Variants in NCKAP5 observed in about 807,000 individuals in gnomAD.
The protein encoded by NCKAP5 is nck-associated protein 5.
NCKAP5 carries 92 observed loss-of-function variants against 167.0 expected under a neutral mutation model. That is an observed-to-expected ratio of 0.55 (90% CI 0.47 to 0.66). NCKAP5 has a LOEUF of 0.66. Among genes scored for constraint, NCKAP5 ranks in the 30% least tolerant of loss-of-function variants. The pLI, the probability that NCKAP5 is intolerant of heterozygous loss-of-function variation, is 0.00. For synonymous variants in NCKAP5, 891 were observed against 877.4 expected (o/e 1.02, Z -0.27); for missense variants, 2,378 against 2,315.0 (o/e 1.03, Z -0.56).
intron 8 of NCKAP5, among the ~76,000 whole-genome samples, chr2:132,929,330 A>T (rs1458717046): frequency 6.6e-6 from 1 of 152,250 alleles, no homozygotes; most frequent in East Asian, 1.9e-4. Context: ...TTGCTCTAAC[A>T]CTATGACTGT....
At chr2:132,946,962 A>G (rs1697795316) in intron 8 of NCKAP5, among the ~76,000 whole-genome samples, 1 of 152,248 alleles carries the variant, frequency 6.6e-6, no homozygotes, top group Non-Finnish European at 1.5e-5. Context: ...AGTGAGAGTT[A>G]TAAAACATTA....
At chr2:133,442,865 G>C (rs959003522) in intron 3 of NCKAP5, among the ~76,000 whole-genome samples, 1 of 152,226 alleles carries the variant, frequency 6.6e-6, no homozygotes, top group African/African-American at 2.4e-5. Flanking sequence ...AGGCTTACCT[G>C]CCTGGGAGAA....
chr2:133,450,896 T>C (rs1238912759), intron 3 of NCKAP5, among the ~76,000 whole-genome samples: 2 of 152,190 alleles, frequency 1.3e-5, no homozygotes, highest in Non-Finnish European at 2.9e-5. Context: ...GGTTTTCATA[T>C]GCTAAAGCCC....
chr2:133,367,169 C>T (rs978877647), intron 3 of NCKAP5, among the ~76,000 whole-genome samples: 8 of 152,166 alleles, frequency 5.3e-5, no homozygotes, highest in Non-Finnish European at 7.3e-5. Flanking sequence ...CCTTCCCAGC[C>T]GAGGAGCGGT....
At chr2:132,979,990 C>CTTTTTTTTTTTTT (rs1179720276) in intron 7 of NCKAP5, among the ~76,000 whole-genome samples, 1 of 145,604 alleles carries the variant, frequency 6.9e-6, no homozygotes, top group African/African-American at 2.7e-5. Flanking sequence ...TTTTCTTTTT[C>CTTTTTTTTTTTTT]TTTTTCTTTT....
rs185860512 is a variant in NCKAP5 at position 132,705,825 on chromosome 2, G to A, written c.5713+19802C>T. ...CATTTTACAACCTAAGGACGTCAAGGCCCAGAGAAGATTAGTGATTTCTCT... is the reference window on the plus strand; with the variant it reads ...CATTTTACAACCTAAGGACGTCAAGACCCAGAGAAGATTAGTGATTTCTCT... On this transcript the variant is annotated intron_variant, in intron 19 of 19. Transcript: ENST00000409261. 3.1e-3 allele frequency among the ~76,000 whole-genome samples: 465 copies of A among 152,280 alleles called. 1 individual carries two copies. Among genetic ancestry groups the A allele is most frequent in the African/African-American group, 0.01 (431 of 41,574 alleles).
At chr2:132,731,710 A>T in intron 17 of NCKAP5, 27 bp downstream of exon 17, 1 of 1,548,260 alleles carries the variant, frequency 6.5e-7, no homozygotes. Context: ...CAAATGTCTT[A>T]TTAAGGGTGG....
intron 3 of NCKAP5, among the ~76,000 whole-genome samples, chr2:133,359,234 T>C (rs1684934524): frequency 6.6e-6 from 1 of 152,208 alleles, no homozygotes; most frequent in African/African-American, 2.4e-5. Context: ...CAGTCCTCTC[T>C]GAAGTGCAAA....
chr2:133,180,817 C>T (rs921192635), intron 5 of NCKAP5, among the ~76,000 whole-genome samples: 1 of 151,982 alleles, frequency 6.6e-6, no homozygotes. Flanking sequence ...GCAACAAAAG[C>T]AAGCAAATGA....
At chr2:132,700,359 C>A (rs1038057877) in intron 19 of NCKAP5, among the ~76,000 whole-genome samples, 1 of 152,174 alleles carries the variant, frequency 6.6e-6, no homozygotes, top group Non-Finnish European at 1.5e-5. Context: ...TTGGCTTTTG[C>A]TGCTATTGCT....
chr2:133,069,967 G>A (rs961157306), intron 6 of NCKAP5, among the ~76,000 whole-genome samples: 3 of 151,948 alleles, frequency 2.0e-5, no homozygotes, highest in African/African-American at 7.3e-5. Context: ...ATTTATGGTG[G>A]AAATTTCAAC....
intron 3 of NCKAP5, among the ~76,000 whole-genome samples, chr2:133,486,292 T>C (rs1378296983): frequency 6.6e-5 from 10 of 152,350 alleles, no homozygotes; most frequent in African/African-American, 1.9e-4. Context: ...CTTATTTGTT[T>C]TTAAAGAAGA....
chr2:133,036,803 T>C (rs2079054879), intron 6 of NCKAP5, among the ~76,000 whole-genome samples: 1 of 152,052 alleles, frequency 6.6e-6, no homozygotes, highest in Admixed American at 6.6e-5. Context: ...ACCATAGTAT[T>C]AGAAATCCTA....
chr2:133,620,235 T>G, the NCKAP5 span, among the ~76,000 whole-genome samples: 1 of 151,858 alleles, frequency 6.6e-6, no homozygotes, highest in Non-Finnish European at 1.5e-5. Context: ...GTATCTCATG[T>G]CTAATACTAA....
At chr2:133,617,181 T>C in the NCKAP5 span, among the ~76,000 whole-genome samples, 1 of 152,034 alleles carries the variant, frequency 6.6e-6, no homozygotes, top group East Asian at 1.9e-4. Flanking sequence ...CTAGGACAAA[T>C]CCACAGCCAA....
rs565971233 is a variant in NCKAP5, at chr2:133,038,891, C to T, written c.342-44652G>A. Among the ~76,000 whole-genome samples the T allele has an allele frequency of 6.6e-5, 10 of 152,188 alleles. No homozygotes were observed. In the East Asian group the frequency reaches 9.6e-4, roughly 15 times the overall value. On this transcript the variant is annotated intron_variant, in intron 6 of 19. Coordinates refer to ENST00000409261, the MANE Select transcript of NCKAP5 (RefSeq NM_207363.3). ...GGCATGACATGTTTTTTCTAAGAGCCGCCATACAACCCACTATAGATGGGG... is the reference window on the plus strand; with the variant it reads ...GGCATGACATGTTTTTTCTAAGAGCTGCCATACAACCCACTATAGATGGGG...
intron 11 of NCKAP5, among the ~76,000 whole-genome samples, chr2:132,799,640 AAT>A (rs1684874861): frequency 6.6e-6 from 1 of 152,216 alleles, no homozygotes; most frequent in Admixed American, 6.5e-5. Context: ...CTTCTTAGAT[AAT>A]AAGGCACGAA....
intron 6 of NCKAP5, among the ~76,000 whole-genome samples, chr2:133,052,405 T>C (rs992788601): frequency 1.3e-5 from 2 of 152,108 alleles, no homozygotes; most frequent in African/African-American, 4.8e-5. Context: ...AGGCAGGAGA[T>C]GGGCAAAGAG....
chr2:133,225,018 A>AC (rs1229931904), intron 4 of NCKAP5, among the ~76,000 whole-genome samples: 2 of 152,112 alleles, frequency 1.3e-5, no homozygotes, highest in African/African-American at 4.8e-5. Context: ...TTCCAGGTAT[A>AC]CCCCTGCCTC....
Sources: gnomAD v4.1 joint callset for allele counts (sites outside exome capture counted in the v4.1 genomes callset) on GRCh38, gnomAD v4.1.1 for gene constraint, MANE v1.5 for transcripts, NCBI Gene and HGNC (gene_info 2026-07-23, HGNC 2026-07-21) for gene names.